The following CLVS1 variants were observed in gnomAD, a reference collection of about 807,000 sequenced individuals.
CLVS1 encodes the protein clavesin-1.
A neutral mutation model predicts 33.1 loss-of-function variants in CLVS1; 10 were observed. The observed-to-expected ratio is 0.30, with a 90% CI of 0.19 to 0.51. The LOEUF (loss-of-function observed/expected upper bound fraction) is 0.51, where lower values mean the gene tolerates loss of function less well. Among genes scored for constraint, CLVS1 ranks in the 20% least tolerant of loss-of-function variants. The pLI is 0.97. For synonymous variants in CLVS1, 163 were observed against 166.1 expected (o/e 0.98, Z 0.14); for missense variants, 343 against 433.4 (o/e 0.79, Z 1.85).
chr8:61,077,129 A>C (rs1804927253), intron 1 of CLVS1, among the ~76,000 whole-genome samples: 2 of 151,988 alleles, frequency 1.3e-5, no homozygotes, highest in Admixed American at 1.3e-4. Flanking sequence ...GCTGGAGTGC[A>C]GTGGCGCGAT....
At chr8:61,116,149 GT>G in intron 1 of CLVS1, among the ~76,000 whole-genome samples, 1 of 152,006 alleles carries the variant, frequency 6.6e-6, no homozygotes, top group Non-Finnish European at 1.5e-5. Flanking sequence ...TTTTTCATGT[GT>G]TTTTGGCTGC....
chr8:61,407,966 T>C (rs1031456415), intron 3 of CLVS1, among the ~76,000 whole-genome samples: 2 of 152,186 alleles, frequency 1.3e-5, no homozygotes, highest in Non-Finnish European at 2.9e-5. Flanking sequence ...CTAAGTTTTG[T>C]GTACAAAACT....
intron 2 of CLVS1, among the ~76,000 whole-genome samples, chr8:61,153,103 G>T (rs143637611): frequency 6.6e-6 from 1 of 152,014 alleles, no homozygotes; most frequent in Non-Finnish European, 1.5e-5. Context: ...GTAACAGAGC[G>T]AGACCCTGTC....
At chr8:61,262,328 T>A (rs1250689696) in intron 2 of CLVS1, among the ~76,000 whole-genome samples, 1 of 152,086 alleles carries the variant, frequency 6.6e-6, no homozygotes, top group East Asian at 1.9e-4. Context: ...CTTGTATTTT[T>A]AAAACATGTC....
intron 2 of CLVS1, among the ~76,000 whole-genome samples, chr8:61,362,117 G>A (rs1813004397): frequency 1.3e-5 from 2 of 152,180 alleles, no homozygotes; most frequent in Admixed American, 1.3e-4. Context: ...TGAGAACACG[G>A]GCCAAGCATG....
At chr8:61,291,626 A>G (rs1809995651) in intron 1 of CLVS1, among the ~76,000 whole-genome samples, 1 of 152,036 alleles carries the variant, frequency 6.6e-6, no homozygotes, top group African/African-American at 2.4e-5. Context: ...AAAACAAAAT[A>G]AACAAAACCC....
intron 2 of CLVS1, among the ~76,000 whole-genome samples, chr8:61,328,009 C>T (rs1452065492): frequency 6.6e-6 from 1 of 152,110 alleles, no homozygotes; most frequent in African/African-American, 2.4e-5. Flanking sequence ...CAGCAGCTAC[C>T]ATGTTTTTGC....
intron 1 of CLVS1, among the ~76,000 whole-genome samples, chr8:61,122,231 A>G (rs1011326002): frequency 2.0e-5 from 3 of 152,244 alleles, no homozygotes; most frequent in Admixed American, 6.5e-5. Context: ...AAGAAAGACT[A>G]TAATACAGAT....
chr8:61,140,344 G>A (rs1387032510), intron 2 of CLVS1, among the ~76,000 whole-genome samples: 1 of 152,074 alleles, frequency 6.6e-6, no homozygotes, highest in African/African-American at 2.4e-5. Context: ...AATGAAAGCC[G>A]TCTCATTTGA....
chr8:61,121,509 A>G (rs1308320246), intron 1 of CLVS1, among the ~76,000 whole-genome samples: 2 of 152,186 alleles, frequency 1.3e-5, no homozygotes, highest in East Asian at 3.8e-4. Context: ...ATATTCCAGG[A>G]AGAATCATTG....
intron 2 of CLVS1, among the ~76,000 whole-genome samples, chr8:61,244,220 A>C (rs545489454): frequency 1.4e-4 from 22 of 152,126 alleles, no homozygotes; most frequent in African/African-American, 3.6e-4. Context: ...AATACTTTTA[A>C]ATTTTCTTTT....
intron 2 of CLVS1, among the ~76,000 whole-genome samples, chr8:61,305,018 A>G (rs1382396318): frequency 4.6e-5 from 7 of 151,972 alleles, no homozygotes; most frequent in Admixed American, 2.6e-4. Context: ...GCTCCTCCTA[A>G]CCTGCCATGG....
intron 2 of CLVS1, among the ~76,000 whole-genome samples, chr8:61,134,708 T>C (rs978351217): frequency 7.9e-5 from 12 of 152,174 alleles, no homozygotes; most frequent in African/African-American, 2.9e-4. Context: ...CTCTTCTGCC[T>C]CCTCTTCCAC....
At chr8:61,363,324 TTC>T (rs1358599948) in intron 2 of CLVS1, among the ~76,000 whole-genome samples, 1 of 152,210 alleles carries the variant, frequency 6.6e-6, no homozygotes, top group African/African-American at 2.4e-5. Flanking sequence ...ATTTTCCAAA[TTC>T]TGTTTGCTAT....
At chr8:60,981,493 C>T in the CLVS1 span, among the ~76,000 whole-genome samples, 77 of 152,290 alleles carry the variant, frequency 5.1e-4, no homozygotes, top group African/African-American at 1.8e-3. Context: ...CAGGAAGAAA[C>T]GTGGGGATCA....
At chr8:61,282,952 T>G (rs1809703736) in intron 2 of CLVS1, among the ~76,000 whole-genome samples, 1 of 152,234 alleles carries the variant, frequency 6.6e-6, no homozygotes, top group Non-Finnish European at 1.5e-5. Context: ...CCAGTGATGC[T>G]GTGCAGCAAT....
Position 61,105,571 on chromosome 8 carries a change from G to T in CLVS1, c.-242-26199G>T, listed in dbSNP as rs551716633. 9.3e-4 allele frequency among the ~76,000 whole-genome samples: 141 copies of T among 152,286 alleles called. 1 individual carries two copies. The highest frequency in any genetic ancestry group is 3.3e-3 in the African/African-American group (139 of 41,552). On this transcript the variant is annotated intron_variant, in intron 1 of 2. Transcript: ENST00000522621. Reference sequence around the variant, plus strand: ...GGGCCAAGGGCAGTGCATGGCCAGGGACATGGGGCCTTCCACACGCCAGGT... The same window carrying T: ...GGGCCAAGGGCAGTGCATGGCCAGGTACATGGGGCCTTCCACACGCCAGGT...
At chr8:61,127,573 C>A (rs1209776836) in intron 1 of CLVS1, among the ~76,000 whole-genome samples, 1 of 152,080 alleles carries the variant, frequency 6.6e-6, no homozygotes, top group Non-Finnish European at 1.5e-5. Flanking sequence ...TGGGGAAAAA[C>A]AACATAATTT....
chr8:61,234,391 G>A (rs922538015), intron 2 of CLVS1, among the ~76,000 whole-genome samples: 10 of 152,064 alleles, frequency 6.6e-5, no homozygotes, highest in African/African-American at 1.2e-4. Flanking sequence ...TTACATTTCC[G>A]GAGTGCTTTT....
Sources: gnomAD v4.1 joint callset for allele counts (sites outside exome capture counted in the v4.1 genomes callset) on GRCh38, gnomAD v4.1.1 for gene constraint, MANE v1.5 for transcripts, NCBI Gene and HGNC (gene_info 2026-07-23, HGNC 2026-07-21) for gene names.